The following AK8 variants were observed in gnomAD, a reference collection of about 807,000 sequenced individuals.
AK8 encodes adenylate kinase 8, also known as ATP-AMP transphosphorylase 8.
In AK8, 44 loss-of-function variants were observed where a neutral mutation model predicts 54.6. The observed-to-expected ratio is 0.81, with a 90% CI of 0.63 to 1.04. The LOEUF (loss-of-function observed/expected upper bound fraction) is 1.04. Ranked by LOEUF, AK8 falls within the 50% of genes least tolerant of loss-of-function variation. The pLI is 0.00. For synonymous variants in AK8, 239 were observed against 245.6 expected (o/e 0.97, Z 0.25); for missense variants, 555 against 613.6 (o/e 0.90, Z 1.01).
chr9:132,859,244 G>A (rs377018570), intron 4 of AK8, among the ~76,000 whole-genome samples: 23 of 152,136 alleles, frequency 1.5e-4, no homozygotes, highest in African/African-American at 5.5e-4. Flanking sequence ...ACAGAGGTAG[G>A]ATGAGGGCTC....
chr9:132,852,283 G>T (rs1842995406), intron 5 of AK8, among the ~76,000 whole-genome samples: 1 of 152,124 alleles, frequency 6.6e-6, no homozygotes, highest in Admixed American at 6.6e-5. Context: ...AGTCCAGCCT[G>T]GCCAACATGG....
intron 5 of AK8, among the ~76,000 whole-genome samples, chr9:132,853,423 T>C (rs1843049219): frequency 6.9e-6 from 1 of 144,500 alleles, no homozygotes; most frequent in Non-Finnish European, 1.5e-5. Flanking sequence ...ATCTTGAAAG[T>C]AGTCAGAGAA....
rs1836549304 is a variant in AK8, at chr9:132,725,988, C to A, written c.1203-63G>T. The A allele has an allele frequency of 6.8e-6, 10 of 1,479,772 alleles. No homozygotes were observed. The East Asian group carries it at 1.6e-4, about 24-fold the overall frequency. 91.7% of individuals were successfully genotyped at this position (1,479,772 alleles called of 1,614,324 possible). On this transcript the variant is annotated intron_variant, in intron 12 of 12. Coordinates refer to ENST00000298545, the MANE Select transcript of AK8 (RefSeq NM_152572.3). ...GGCCTGGAAGCAGGGGAGAAAGGGACCCTCTACTCTACTGTGGACCAATTT... is the reference window on the plus strand; with the variant it reads ...GGCCTGGAAGCAGGGGAGAAAGGGAACCTCTACTCTACTGTGGACCAATTT...
chr9:132,844,070 C>G (rs901299858), intron 5 of AK8, among the ~76,000 whole-genome samples: 2 of 152,048 alleles, frequency 1.3e-5, no homozygotes, highest in Middle Eastern at 3.2e-3. Flanking sequence ...CCTTTCCCCC[C>G]AAGTTTCCAG....
intron 5 of AK8, among the ~76,000 whole-genome samples, chr9:132,846,498 AGAATAGATGAATGAATGAAT>A (rs1842752930): frequency 7.0e-6 from 1 of 142,908 alleles, no homozygotes; most frequent in African/African-American, 2.7e-5. Flanking sequence ...GTTGCATGAG[AGAATAGATGAATGAATGAAT>A]GAATGAATGA....
intron 10 of AK8, among the ~76,000 whole-genome samples, chr9:132,813,891 C>T (rs1841192884): frequency 6.6e-6 from 1 of 152,218 alleles, no homozygotes; most frequent in South Asian, 2.1e-4. Flanking sequence ...TGCCGGTCAA[C>T]ACTCACATCT....
intron 11 of AK8, among the ~76,000 whole-genome samples, chr9:132,746,108 AG>A (rs573794262): frequency 2.4e-3 from 359 of 152,268 alleles, no homozygotes; most frequent in African/African-American, 8.0e-3. Flanking sequence ...TGTGGGGAGC[AG>A]GGTGAGACCA....
intron 10 of AK8, among the ~76,000 whole-genome samples, chr9:132,811,515 C>T (rs958692653): frequency 6.6e-6 from 1 of 152,230 alleles, no homozygotes; most frequent in Non-Finnish European, 1.5e-5. Context: ...TCTCAAGTGC[C>T]CCAGGAAGGA....
chr9:132,834,653 A>G (rs1842243367), intron 5 of AK8, among the ~76,000 whole-genome samples: 1 of 152,172 alleles, frequency 6.6e-6, no homozygotes, highest in South Asian at 2.1e-4. Flanking sequence ...GGGCAGCCTA[A>G]CAGTGATTAT....
At chr9:132,738,587 T>C (rs1174572497) in intron 11 of AK8, among the ~76,000 whole-genome samples, 2 of 152,218 alleles carry the variant, frequency 1.3e-5, no homozygotes, top group Admixed American at 1.3e-4. Context: ...ATGAAACTAT[T>C]GTCCATTTCT....
intron 11 of AK8, 56 bp from the exon 12 acceptor site, chr9:132,727,590 C>T (rs1836636253): frequency 2.0e-6 from 3 of 1,507,900 alleles, no homozygotes; most frequent in Non-Finnish European, 2.7e-6. Context: ...TTTTATGATG[C>T]TGTGACATCC....
At chr9:132,805,067 C>A (rs1229342490) in intron 10 of AK8, among the ~76,000 whole-genome samples, 1 of 152,208 alleles carries the variant, frequency 6.6e-6, no homozygotes. Context: ...GACAGCTACA[C>A]TGAGAGACCT....
intron 11 of AK8, among the ~76,000 whole-genome samples, chr9:132,775,305 T>C (rs1839164782): frequency 6.6e-6 from 1 of 152,166 alleles, no homozygotes; most frequent in African/African-American, 2.4e-5. Context: ...TTATTTTTAT[T>C]TCCTTTTTTA....
intron 11 of AK8, among the ~76,000 whole-genome samples, chr9:132,730,009 C>T (rs772864801): frequency 8.5e-5 from 13 of 152,106 alleles, no homozygotes; most frequent in South Asian, 2.1e-4. Context: ...TTCTGAGAGT[C>T]GTGTGTTTTC....
intron 5 of AK8, among the ~76,000 whole-genome samples, chr9:132,840,352 A>G (rs987929115): frequency 5.3e-5 from 8 of 151,668 alleles, no homozygotes; most frequent in African/African-American, 1.9e-4. Flanking sequence ...GTTTGGCAAC[A>G]TTTTGAACCA....
intron 3 of AK8, among the ~76,000 whole-genome samples, chr9:132,864,053 C>T (rs994309690): frequency 2.0e-5 from 3 of 152,150 alleles, no homozygotes; most frequent in African/African-American, 4.8e-5. Context: ...CTGCCCTTGG[C>T]GTGCTTTCCA....
chr9:132,806,832 C>T lies in AK8; in HGVS notation c.979+7806G>A, dbSNP rs142188479. On this transcript the variant is annotated intron_variant, in intron 10 of 12. Transcript: ENST00000298545. Reference sequence around the variant, plus strand: ...GGGCTGGTTTGGCTTGTTTGTATTACGATGGCTGCATTTGCTAGGGTGAGG... The same window carrying T: ...GGGCTGGTTTGGCTTGTTTGTATTATGATGGCTGCATTTGCTAGGGTGAGG... 1.3e-4 allele frequency among the ~76,000 whole-genome samples: 20 copies of T among 152,288 alleles called. No homozygotes were observed. In the East Asian group the frequency reaches 2.1e-3, roughly 16 times the overall value.
At chr9:132,731,946 C>T (rs953288723) in intron 11 of AK8, among the ~76,000 whole-genome samples, 2 of 152,182 alleles carry the variant, frequency 1.3e-5, no homozygotes, top group Non-Finnish European at 2.9e-5. Context: ...GCTGGGTTCC[C>T]ACAATGACCA....
At chr9:132,784,698 G>T (rs1216592333) in intron 11 of AK8, among the ~76,000 whole-genome samples, 1 of 152,102 alleles carries the variant, frequency 6.6e-6, no homozygotes, top group Non-Finnish European at 1.5e-5. Context: ...GCCAGATGTT[G>T]TTTACAAGTA....
Sources: allele counts gnomAD v4.1 joint callset (sites outside exome capture counted in the v4.1 genomes callset), GRCh38; gene constraint gnomAD v4.1.1; transcripts MANE v1.5; gene names NCBI Gene and HGNC (gene_info 2026-07-23, HGNC 2026-07-21).